Variants in MAML2 observed in about 807,000 individuals in gnomAD.
MAML2 encodes the protein mastermind like transcriptional coactivator 2, also known as mastermind-like protein 2.
MAML2 carries 22 observed loss-of-function variants against 96.1 expected under a neutral mutation model. That is an observed-to-expected ratio of 0.23 (90% CI 0.16 to 0.33). The LOEUF is 0.33. Ranked by LOEUF, MAML2 falls within the 10% of genes least tolerant of loss-of-function variation. MAML2 has a pLI of 1.00. For missense variants in MAML2, 1,367 were observed against 1,392.4 expected (o/e 0.98, Z 0.29); for synonymous variants, 561 against 521.3 (o/e 1.08, Z -1.04).
At chr11:96,104,325 G>A (rs373128259) in intron 1 of MAML2, among the ~76,000 whole-genome samples, 6 of 152,178 alleles carry the variant, frequency 3.9e-5, no homozygotes, top group East Asian at 1.9e-4. Flanking sequence ...AAAACACGTC[G>A]AGATGCCGAA....
intron 3 of MAML2, among the ~76,000 whole-genome samples, chr11:95,986,022 A>AC (rs1260756671): frequency 6.6e-6 from 1 of 151,640 alleles, no homozygotes; most frequent in Non-Finnish European, 1.5e-5. Flanking sequence ...AACACCAAAC[A>AC]CCCCCCTCTC....
At chr11:96,226,256 T>A (rs1862208417) in intron 1 of MAML2, among the ~76,000 whole-genome samples, 1 of 152,194 alleles carries the variant, frequency 6.6e-6, no homozygotes, top group Admixed American at 6.5e-5. Context: ...TCTGGGCCAA[T>A]TACAGTTTTA....
At chr11:96,054,749 T>A (rs779724089) in intron 2 of MAML2, among the ~76,000 whole-genome samples, 4 of 152,226 alleles carry the variant, frequency 2.6e-5, no homozygotes, top group African/African-American at 9.6e-5. Context: ...ATTTTTGCAG[T>A]TATCATTTCT....
chr11:96,335,528 T>C (rs1246296251), intron 1 of MAML2, among the ~76,000 whole-genome samples: 1 of 152,204 alleles, frequency 6.6e-6, no homozygotes, highest in Non-Finnish European at 1.5e-5. Context: ...TCATGCAGTA[T>C]ATAACTCACC....
chr11:96,244,617 G>A (rs537844141), intron 1 of MAML2, among the ~76,000 whole-genome samples: 24 of 152,252 alleles, frequency 1.6e-4, no homozygotes, highest in Middle Eastern at 6.8e-3. Flanking sequence ...ATAACACAAA[G>A]TTCTTTACAT....
chr11:96,212,811 C>T (rs1218870707), intron 1 of MAML2, among the ~76,000 whole-genome samples: 1 of 152,174 alleles, frequency 6.6e-6, no homozygotes, highest in Non-Finnish European at 1.5e-5. Context: ...AAGAAGACCT[C>T]TCAATTAAAA....
chr11:96,321,770 T>C lies in MAML2; in HGVS notation c.513+19613A>G, dbSNP rs116896415. ...TATAAAATATGTGTGGCCAACACTA[T>C]TCCCTCCACATGTGTTTAATGGACA... On this transcript the variant is annotated intron_variant, in intron 1 of 4. Transcript: ENST00000524717. Among the ~76,000 whole-genome samples, 19 of 152,372 alleles carry C rather than the reference T, an allele frequency of 1.2e-4. 1 individual carries two copies. The highest frequency in any genetic ancestry group is 2.8e-4 in the Non-Finnish European group (19 of 68,036).
At chr11:96,285,157 C>T (rs759873161) in intron 1 of MAML2, among the ~76,000 whole-genome samples, 4 of 152,080 alleles carry the variant, frequency 2.6e-5, no homozygotes, top group African/African-American at 4.8e-5. Flanking sequence ...TGACTCTCTT[C>T]TCTTAACAGA....
At chr11:96,084,151 G>A (rs1357325881) in intron 2 of MAML2, among the ~76,000 whole-genome samples, 4 of 152,056 alleles carry the variant, frequency 2.6e-5, no homozygotes, top group African/African-American at 7.2e-5. Flanking sequence ...GGAGAGGATG[G>A]GTGAATGGGT....
chr11:96,145,814 C>G (rs1285087477), intron 1 of MAML2, among the ~76,000 whole-genome samples: 2 of 152,162 alleles, frequency 1.3e-5, no homozygotes, highest in African/African-American at 4.8e-5. Context: ...TCGAGACCAG[C>G]CTGGCCAACA....
At chr11:96,253,007 A>G (rs1220949202) in intron 1 of MAML2, among the ~76,000 whole-genome samples, 2 of 152,164 alleles carry the variant, frequency 1.3e-5, no homozygotes, top group Non-Finnish European at 2.9e-5. Flanking sequence ...TGTCTCTTTA[A>G]ACAAATACTT....
Position 96,030,763 on chromosome 11 carries a change from A to G in MAML2, c.2140-39040T>C, listed in dbSNP as rs1858600530. Among the ~76,000 whole-genome samples, 3 of 152,334 alleles carry G rather than the reference A, an allele frequency of 2.0e-5. No homozygotes were observed. The South Asian group carries it at 6.2e-4, about 32-fold the overall frequency. ...GCCAGAACTCTACTTAAAGGCAGCC[A>G]AGCAGGCAGAAATACTTCCAGTGGT... On this transcript the variant is annotated intron_variant, in intron 2 of 4. Transcript: ENST00000524717.
Position 96,027,207 on chromosome 11 carries a change from CATTT to C in MAML2, c.2140-35488_2140-35485del, listed in dbSNP as rs199745307. ...CCTTACATTTTGTCACTCATGCATT[CATTT>C]ATTCATTCATTCATTCATTCATTCA... is the stretch of plus-strand genomic sequence containing the variant. On this transcript the variant is annotated intron_variant, in intron 2 of 4. Transcript: ENST00000524717. 1.6e-3 allele frequency among the ~76,000 whole-genome samples: 241 copies of C among 152,216 alleles called. 1 individual carries two copies. The highest frequency in any genetic ancestry group is 5.6e-3 in the African/African-American group (231 of 41,514).
chr11:96,287,986 C>T (rs187385494), intron 1 of MAML2, among the ~76,000 whole-genome samples: 1 of 152,238 alleles, frequency 6.6e-6, no homozygotes, highest in East Asian at 1.9e-4. Context: ...CCTACATAAA[C>T]TCTGAGAGTA....
At chr11:96,090,955 G>A (rs112513670) in intron 2 of MAML2, among the ~76,000 whole-genome samples, 2 of 152,304 alleles carry the variant, frequency 1.3e-5, no homozygotes, top group African/African-American at 4.8e-5. Context: ...AGATAACGCA[G>A]ACCTGTCAAA....
At chr11:96,264,677 G>A (rs1027093867) in intron 1 of MAML2, among the ~76,000 whole-genome samples, 2 of 152,090 alleles carry the variant, frequency 1.3e-5, no homozygotes, top group African/African-American at 2.4e-5. Flanking sequence ...AGCTAATAAC[G>A]GAGGGTCCAC....
chr11:96,128,941 T>C (rs1860497538), intron 1 of MAML2, among the ~76,000 whole-genome samples: 2 of 152,238 alleles, frequency 1.3e-5, no homozygotes, highest in Non-Finnish European at 2.9e-5. Context: ...AGTCTCAGTA[T>C]GGCTCAGGCT....
chr11:96,194,355 G>A (rs1399899035), intron 1 of MAML2, among the ~76,000 whole-genome samples: 1 of 152,148 alleles, frequency 6.6e-6, no homozygotes, highest in Non-Finnish European at 1.5e-5. Flanking sequence ...TAAAGTAAAG[G>A]TGAGTGTTTA....
intron 1 of MAML2, among the ~76,000 whole-genome samples, chr11:96,289,784 T>A (rs1863185349): frequency 1.3e-5 from 2 of 152,110 alleles, no homozygotes; most frequent in Admixed American, 1.3e-4. Flanking sequence ...ACATTCTCAG[T>A]GAACTGGGTA....
Sources: gnomAD v4.1 joint callset for allele counts (sites outside exome capture counted in the v4.1 genomes callset) on GRCh38, gnomAD v4.1.1 for gene constraint, MANE v1.5 for transcripts, NCBI Gene and HGNC (gene_info 2026-07-23, HGNC 2026-07-21) for gene names.